Variants in TNN observed in about 807,000 individuals in gnomAD.
TNN encodes tenascin N.
Under a neutral mutation model 134.4 loss-of-function variants are expected in TNN, and 122 were observed. That is an observed-to-expected ratio of 0.91 (90% CI 0.78 to 1.06). The LOEUF (loss-of-function observed/expected upper bound fraction) is 1.06, where lower values mean the gene tolerates loss of function less well. Ranked by LOEUF, TNN falls within the 50% of genes least tolerant of loss-of-function variation. The pLI, the probability that TNN is intolerant of heterozygous loss-of-function variation, is 0.00. For missense variants in TNN, 1,739 were observed against 1,699.4 expected (o/e 1.02, Z -0.41); for synonymous variants, 710 against 670.3 (o/e 1.06, Z -0.91).
intron 10 of TNN, among the ~76,000 whole-genome samples, chr1:175,118,253 C>G (rs1675237514): frequency 6.6e-6 from 1 of 152,250 alleles, no homozygotes; most frequent in African/African-American, 2.4e-5. Context: ...CTGTCTAGAA[C>G]ATTTCATGGA....
chr1:175,136,785 T>G, intron 16 of TNN, 36 bp from the exon 17 acceptor site: 3 of 1,598,400 alleles, frequency 1.9e-6, no homozygotes, highest in Non-Finnish European at 2.6e-6. Flanking sequence ...CACACATGGG[T>G]TGATTGATTA....
intron 11 of TNN, among the ~76,000 whole-genome samples, chr1:175,120,633 A>G (rs149501165): frequency 1.4e-4 from 21 of 152,302 alleles, no homozygotes; most frequent in Non-Finnish European, 2.6e-4. Context: ...CATTGCACAT[A>G]TCAGCCCTTC....
rs747618950 is a variant in TNN at position 175,107,101 on chromosome 1, CA to C, written c.2119+8510del. On this transcript the variant is annotated intron_variant, in intron 9 of 18. Coordinates refer to ENST00000239462, the MANE Select transcript of TNN (RefSeq NM_022093.2). Reference sequence around the variant, plus strand: ...TATGCGAAAGTCCCTTCGTGGTCGCCAAAATGTGTCCGGAATTGGTGGGTTC... The same window carrying C: ...TATGCGAAAGTCCCTTCGTGGTCGCCAAATGTGTCCGGAATTGGTGGGTTC... 3.4e-5 allele frequency among the ~76,000 whole-genome samples: 5 copies of C among 146,274 alleles called. 1 individual carries two copies. Among genetic ancestry groups the C allele is most frequent in the Non-Finnish European group, 7.6e-5 (5 of 65,904 alleles).
At chr1:175,074,201 G>A (rs1368007069) in intron 1 of TNN, among the ~76,000 whole-genome samples, 2 of 152,056 alleles carry the variant, frequency 1.3e-5, no homozygotes, top group Non-Finnish European at 2.9e-5. Flanking sequence ...GTGTGGGCAC[G>A]GCCAGGTGTA....
chr1:175,106,176 G>A (rs1264367220), intron 9 of TNN, among the ~76,000 whole-genome samples: 1 of 145,508 alleles, frequency 6.9e-6, no homozygotes, highest in African/African-American at 2.5e-5. Flanking sequence ...ACCTGTTAGA[G>A]TCCTAAGCAT....
intron 11 of TNN, 128 bp downstream of exon 11, chr1:175,118,952 C>T: frequency 1.6e-6 from 2 of 1,276,486 alleles, no homozygotes; most frequent in African/African-American, 3.0e-5. Flanking sequence ...GGAGAGTTTG[C>T]TGTAAAAACA....
intron 11 of TNN, 152 bp from the exon 12 acceptor site, chr1:175,123,248 G>T: frequency 1.1e-6 from 1 of 882,836 alleles, no homozygotes; most frequent in Non-Finnish European, 1.8e-6. Context: ...TGTTTCCTTG[G>T]AAATGGAGAC....
chr1:175,072,243 C>T (rs979121838), intron 1 of TNN, among the ~76,000 whole-genome samples: 4 of 152,156 alleles, frequency 2.6e-5, no homozygotes, highest in African/African-American at 9.7e-5. Context: ...GTATCCCTCC[C>T]TCCCACCTTC....
At position 175,127,030 on chromosome 1, in the gene TNN, C is replaced by G. The variant is rs764793319; in HGVS notation, c.2990C>G (p.Ser997Cys). 1.2e-6 allele frequency: 2 copies of G among 1,614,218 alleles called. No individual in the cohort carries two copies. Among genetic ancestry groups the G allele is most frequent in the East Asian group, 4.5e-5 (2 of 44,884 alleles). Residue 997 changes from serine (S) to cysteine (C), a missense_variant, in exon 13 of 19, where the codon TCT (serine) becomes TGT (cysteine). Coordinates refer to ENST00000239462, the MANE Select transcript of TNN (RefSeq NM_022093.2). ...GGCATATTGACCTGGACGCCCCCCTCTGCTCAGATCCACGGCTACATTCTG... is the reference window on the plus strand; with the variant it reads ...GGCATATTGACCTGGACGCCCCCCTGTGCTCAGATCCACGGCTACATTCTG... The part of the protein sequence containing the change: ...SGGILTWTPP[S>C]AQIHGYILTY...
rs1676111750 is a variant in TNN, at chr1:175,147,833, T to G, written c.*762T>G. On this transcript the variant is annotated 3_prime_UTR_variant, in exon 19 of 19. Coordinates refer to ENST00000239462, the MANE Select transcript of TNN (RefSeq NM_022093.2). Reference sequence around the variant, plus strand: ...CCCAAAGACTCTTCTGCAACTCCCATTCATGCCCACCAGGCCTCAGACTCC... The same window carrying G: ...CCCAAAGACTCTTCTGCAACTCCCAGTCATGCCCACCAGGCCTCAGACTCC... The G allele has an allele frequency of 6.6e-6, 1 of 152,216 alleles. No individual in the cohort carries two copies. The highest frequency in any genetic ancestry group is 2.4e-5 in the African/African-American group (1 of 41,458). The allele number at this position is 152,216 out of a possible 1,614,324, so 9.4% of individuals were successfully genotyped here.
rs1558348341 is a variant in TNN at position 175,079,697 on chromosome 1, C to T, written c.774C>T (p.Asp258=). The change falls in exon 3 of 19, where the codon GAC becomes GAT. Residue 258 remains aspartate (D), a synonymous_variant. Coordinates refer to ENST00000239462, the MANE Select transcript of TNN (RefSeq NM_022093.2). ...GCGAGGAGGGCTTCACAGGCCTGGACTGTGCCCAGGGTGAGAGCGGAGATG... is the reference window on the plus strand; with the variant it reads ...GCGAGGAGGGCTTCACAGGCCTGGATTGTGCCCAGGGTGAGAGCGGAGATG... ...CYCEEGFTGL[D]CAQVVTPQGL... is the part of the protein sequence containing the mutation. 1 of 1,597,286 alleles carries T rather than the reference C, an allele frequency of 6.3e-7. No individual in the cohort carries two copies. The highest frequency in any genetic ancestry group is 1.7e-5 in the Admixed American group (1 of 59,278).
intron 11 of TNN, among the ~76,000 whole-genome samples, chr1:175,123,000 C>A (rs6695536): frequency 3.9e-5 from 6 of 152,018 alleles, no homozygotes; most frequent in Admixed American, 3.3e-4. Context: ...CATTCTCCTC[C>A]CCTTTTATAA....
In TNN at chr1:175,127,024, C is replaced by T. The variant is rs749585837; in HGVS notation, c.2984C>T (p.Pro995Leu). The part of the protein sequence containing the change: ...TQSGGILTWT[P>L]PSAQIHGYIL... ...TCTGGTGGCATATTGACCTGGACGC[C>T]CCCCTCTGCTCAGATCCACGGCTAC... The change falls in exon 13 of 19, where the codon CCC becomes CTC. Residue 995 changes from proline (P) to leucine (L), a missense_variant. By Grantham distance (98) the Pro-to-Leu change is moderately conservative (BLOSUM62 -3). Transcript: ENST00000239462. 6.8e-6 allele frequency: 11 copies of T among 1,614,014 alleles called. No individual in the cohort carries two copies. Among genetic ancestry groups the T allele is most frequent in the Admixed American group, 1.7e-5 (1 of 59,998 alleles).
rs1345682147 is a variant in TNN, at chr1:175,107,365, C to T, written c.2119+8770C>T. On this transcript the variant is annotated intron_variant, in intron 9 of 18. Coordinates refer to ENST00000239462, the MANE Select transcript of TNN (RefSeq NM_022093.2). ...GTCCCTTCTGATGTTCTGATGTGTT[C>T]GGAGTTTCTTCCTTCTGGTGGGTTC... 3.6e-4 allele frequency among the ~76,000 whole-genome samples: 43 copies of T among 119,882 alleles called. 1 individual carries two copies. Among genetic ancestry groups the T allele is most frequent in the South Asian group, 1.9e-3 (6 of 3,182 alleles). 78.6% of individuals were successfully genotyped at this position (119,882 alleles called of 152,430 possible). A position where few individuals can be genotyped will look rare whatever the true frequency, so the allele number is the denominator to read the frequency against.
chr1:175,127,362 T>C (rs1028232958), intron 13 of TNN, among the ~76,000 whole-genome samples: 2 of 152,230 alleles, frequency 1.3e-5, no homozygotes, highest in African/African-American at 4.8e-5. Context: ...ATTGAACAAA[T>C]TGATTAACCC....
At position 175,098,387 on chromosome 1, in the gene TNN, G is replaced by T. The variant is rs780062151; in HGVS notation, c.1911G>T (p.Thr637=). The change falls in exon 9 of 19, where the codon ACG becomes ACT. Residue 637 remains threonine (T), a synonymous_variant. Coordinates refer to ENST00000239462, the MANE Select transcript of TNN (RefSeq NM_022093.2). ...VTDRVTENMA[T]VSWDPVQAAI... ...ACCGGGTGACAGAGAATATGGCCAC[G>T]GTCTCCTGGGACCCGGTGCAGGCCG... The T allele has an allele frequency of 6.2e-7, 1 of 1,614,142 alleles. No individual in the cohort carries two copies. The highest frequency in any genetic ancestry group is 8.5e-7 in the Non-Finnish European group (1 of 1,180,028).
intron 12 of TNN, among the ~76,000 whole-genome samples, chr1:175,124,044 T>C (rs1240135812): frequency 6.6e-6 from 1 of 152,168 alleles, no homozygotes; most frequent in African/African-American, 2.4e-5. Context: ...CTCCATTCCA[T>C]CCTCAGTTGA....
intron 9 of TNN, among the ~76,000 whole-genome samples, chr1:175,106,758 C>T (rs116200951): frequency 0.042 from 6,110 of 145,558 alleles, 746 homozygotes; most frequent in Middle Eastern, 0.12. Flanking sequence ...CCCGGAGATG[C>T]ATGGCTTTCC....
intron 10 of TNN, 107 bp downstream of exon 10, chr1:175,117,312 A>AG (rs1675211257): frequency 1.1e-5 from 17 of 1,561,848 alleles, no homozygotes; most frequent in Non-Finnish European, 1.5e-5. Context: ...GATTAATGGA[A>AG]GAGTGGGATG....
Sources: gnomAD v4.1 joint callset for allele counts (sites outside exome capture counted in the v4.1 genomes callset) on GRCh38, gnomAD v4.1.1 for gene constraint, MANE v1.5 for transcripts, NCBI Gene and HGNC (gene_info 2026-07-23, HGNC 2026-07-21) for gene names.